The following BLM variants were observed in gnomAD, a reference collection of about 807,000 sequenced individuals.
The protein encoded by BLM is BLM RecQ like helicase.
BLM carries 95 observed loss-of-function variants against 135.3 expected under a neutral mutation model. The ratio of observed to expected loss-of-function variants is 0.70; its 90% CI spans 0.59 to 0.83. BLM has a LOEUF of 0.83. BLM is among the 40% of genes least tolerant of loss of function. The pLI is 0.00. For missense variants in BLM, 1,518 were observed against 1,663.9 expected (o/e 0.91, Z 1.53); for synonymous variants, 520 against 589.2 (o/e 0.88, Z 1.70).
intron 14 of BLM, among the ~76,000 whole-genome samples, chr15:90,785,504 T>A (rs971035385): frequency 3.3e-5 from 5 of 151,856 alleles, no homozygotes; most frequent in Admixed American, 1.3e-4. Flanking sequence ...ACATTGCATG[T>A]AAATAGAATC....
Position 90,769,591 on chromosome 15 carries a change from G to A in BLM, c.2555+5G>A. The A allele has an allele frequency of 6.2e-7, 1 of 1,613,450 alleles. No homozygotes were observed. The highest frequency in any genetic ancestry group is 8.5e-7 in the Non-Finnish European group (1 of 1,179,644). On this transcript the variant is annotated splice_donor_5th_base_variant and intron_variant, in intron 12 of 21. Transcript: ENST00000355112. ...GAAGATTCTCAGACCTCAGGTGTAA[G>A]TTGTTGCACGTCACGTATTTGAGAA...
At chr15:90,806,702 G>A (rs539261650) in intron 19 of BLM, among the ~76,000 whole-genome samples, 27 of 152,206 alleles carry the variant, frequency 1.8e-4, no homozygotes, top group African/African-American at 6.3e-4. Flanking sequence ...GGAAAACAAC[G>A]TCTTCATATA....
At position 90,809,142 on chromosome 15, in the gene BLM, T is replaced by A; in HGVS notation, c.3757T>A (p.Leu1253Ile). The change falls in exon 20 of 22, where the codon TTA (leucine) becomes ATA (isoleucine). Residue 1253 changes from leucine to isoleucine, a missense_variant. This residue lies in a region of BLM where 626 missense variants were observed against 681.1 expected (regional missense o/e 0.92). Transcript: ENST00000355112. ...AATTTTATGCCTTTGCACAGAATCT[T>A]TATCTTCTGATCCTGAGGTTTTGCT... ...TVTLKKLAES[L>I]SSDPEVLLQI... The A allele has an allele frequency of 6.2e-7, 1 of 1,614,174 alleles. No individual in the cohort carries two copies.
chr15:90,754,864 CA>C lies in BLM; in HGVS notation c.1017del (p.Asp340IlefsTer9). ...AGAAAAGAGGATGTTCTTAGCACAT[CA>C]AAAGATCTTTTGTCAAAACCTGAGA... Reference protein sequence around the residue: ...SDRKEDVLSTSKDLLSKPEKM... With the variant: ...SDRKEDVLSTXKDLLSKPEKM... On this transcript the variant is annotated frameshift_variant, in exon 5 of 22. Transcript: ENST00000355112. LOFTEE classifies it high-confidence loss of function. 1 of 1,613,844 alleles carries C rather than the reference CA, an allele frequency of 6.2e-7. No individual in the cohort carries two copies. Among genetic ancestry groups the C allele is most frequent in the Non-Finnish European group, 8.5e-7 (1 of 1,179,908 alleles).
intron 2 of BLM, among the ~76,000 whole-genome samples, chr15:90,749,149 C>T (rs536539858): frequency 1.3e-3 from 197 of 152,282 alleles, no homozygotes; most frequent in South Asian, 3.3e-3. Flanking sequence ...TGGGAATGAC[C>T]TCTCAAAGCC....
rs554390308 is a variant in BLM, at chr15:90,815,385, G to A, written c.*106G>A. On this transcript the variant is annotated 3_prime_UTR_variant, in exon 22 of 22. Coordinates refer to ENST00000355112, the MANE Select transcript of BLM (RefSeq NM_000057.4). The surrounding 1 kb of genome is among the most constrained non-coding windows in gnomAD (Gnocchi z 4.6). ...GTTATACCATTTGAAGTTTTTACTC[G>A]TCTCTATTAATATTTAAATAAATGC... 2.1e-4 allele frequency: 255 copies of A among 1,221,476 alleles called. No individual in the cohort carries two copies. The highest frequency in any genetic ancestry group is 2.9e-4 in the Admixed American group (15 of 51,706). 75.7% of individuals were successfully genotyped at this position (1,221,476 alleles called of 1,614,324 possible).
At chr15:90,752,588 T>C (rs2151150322) in intron 4 of BLM, among the ~76,000 whole-genome samples, 1 of 152,332 alleles carries the variant, frequency 6.6e-6, no homozygotes, top group East Asian at 1.9e-4. Flanking sequence ...ATTAGGACAT[T>C]AGTACTTTTT....
chr15:90,782,177 C>A (rs1767888302), intron 12 of BLM, among the ~76,000 whole-genome samples: 1 of 152,164 alleles, frequency 6.6e-6, no homozygotes, highest in African/African-American at 2.4e-5. Flanking sequence ...TGCTTGAGGT[C>A]AGGAGTTCGA....
chr15:90,779,475 A>G (rs1381442887), intron 12 of BLM, among the ~76,000 whole-genome samples: 2 of 152,106 alleles, frequency 1.3e-5, no homozygotes, highest in African/African-American at 2.4e-5. Flanking sequence ...GCCCAAATCA[A>G]CTCAAATGCA....
At chr15:90,800,708 C>T (rs1897144690) in intron 17 of BLM, among the ~76,000 whole-genome samples, 1 of 147,438 alleles carries the variant, frequency 6.8e-6, no homozygotes, top group Non-Finnish European at 1.5e-5. Flanking sequence ...CAGGGCCCAC[C>T]CAACGTAGAG....
chr15:90,810,447 G>A (rs1897387073), intron 20 of BLM, among the ~76,000 whole-genome samples: 1 of 152,218 alleles, frequency 6.6e-6, no homozygotes, highest in Admixed American at 6.5e-5. Context: ...GAGCAGCCAT[G>A]GTGGAGTCCT....
intron 1 of BLM, among the ~76,000 whole-genome samples, chr15:90,725,967 T>C (rs1894903859): frequency 6.6e-6 from 1 of 152,054 alleles, no homozygotes; most frequent in Admixed American, 6.6e-5. Flanking sequence ...TAAGTGGATT[T>C]AACATAATTT....
intron 17 of BLM, among the ~76,000 whole-genome samples, chr15:90,801,750 T>C (rs1261848397): frequency 5.3e-5 from 8 of 152,132 alleles, no homozygotes; most frequent in Non-Finnish European, 1.0e-4. Flanking sequence ...CAGGGGAATG[T>C]TGCTTTTAAT....
intron 1 of BLM, among the ~76,000 whole-genome samples, chr15:90,731,522 T>C (rs1357770519): frequency 6.6e-6 from 1 of 152,206 alleles, no homozygotes; most frequent in Non-Finnish European, 1.5e-5. Flanking sequence ...TGTGGGTAGA[T>C]TTTTGACCAT....
chr15:90,796,112 G>A (rs925365863), intron 16 of BLM, among the ~76,000 whole-genome samples: 2 of 152,224 alleles, frequency 1.3e-5, no homozygotes, highest in Admixed American at 1.3e-4. Flanking sequence ...GAGGGCTAGA[G>A]TCCCAGAGTA....
chr15:90,760,925 T>C lies in BLM; in HGVS notation c.1552T>C (p.Ser518Pro), dbSNP rs1596230139. The C allele has an allele frequency of 1.2e-6, 2 of 1,613,930 alleles. No individual in the cohort carries two copies. Among genetic ancestry groups the C allele is most frequent in the Non-Finnish European group, 1.7e-6 (2 of 1,180,010 alleles). Reference protein sequence around the residue: ...TPRLGKKNESSYFPGNVLTST... With the variant: ...TPRLGKKNESPYFPGNVLTST... ...AAGACTAGGAAAAAAAAATGAAAGC[T>C]CTTATTTCCCAGGAAATGTTCTCAC... Residue 518 changes from serine to proline, a missense_variant, in exon 7 of 22, where the codon TCT becomes CCT. Transcript: ENST00000355112.
Position 90,742,135 on chromosome 15 carries a change from A to G in BLM, c.-4-5254A>G, listed in dbSNP as rs1051454947. 3.9e-5 allele frequency among the ~76,000 whole-genome samples: 6 copies of G among 152,254 alleles called. No homozygotes were observed. The South Asian group carries it at 1.0e-3, about 26-fold the overall frequency. On this transcript the variant is annotated intron_variant, in intron 1 of 21. Transcript: ENST00000355112. The stretch of plus-strand genomic sequence containing the variant: ...TTGATGTTTAATTTTATCAGAGAAC[A>G]GAAAGTTGCTTGCCCCAGTGCCCCA...
intron 12 of BLM, among the ~76,000 whole-genome samples, chr15:90,770,023 G>A (rs1896261871): frequency 6.6e-6 from 1 of 151,906 alleles, no homozygotes; most frequent in Non-Finnish European, 1.5e-5. Flanking sequence ...TCCCCCTAAG[G>A]TCCCAGTTGA....
At chr15:90,800,001 G>A (rs1026044923) in intron 17 of BLM, among the ~76,000 whole-genome samples, 4 of 152,218 alleles carry the variant, frequency 2.6e-5, no homozygotes, top group Admixed American at 6.5e-5. Context: ...CTGTTTAAGT[G>A]TGGTGTGAAG....
Sources: gnomAD v4.1 joint callset for allele counts (sites outside exome capture counted in the v4.1 genomes callset) on GRCh38, gnomAD v4.1.1 for gene constraint, gnomAD v4.1.1 regional missense constraint, Gnocchi (gnomAD v3.1) non-coding constraint, MANE v1.5 for transcripts, NCBI Gene and HGNC (gene_info 2026-07-23, HGNC 2026-07-21) for gene names.